Variants in RAB27A observed in about 807,000 individuals in gnomAD.
RAB27A encodes the protein RAB27A, member RAS oncogene family.
Under a neutral mutation model 20.8 loss-of-function variants are expected in RAB27A, and 17 were observed. The observed-to-expected ratio is 0.82, with a 90% CI of 0.56 to 1.23. The LOEUF is 1.23. RAB27A is among the 50% of genes most tolerant of loss of function. The probability of loss-of-function intolerance (pLI) is 0.00; values close to 1 mark genes in which losing one functional copy is unlikely to be tolerated. For synonymous variants in RAB27A, 85 were observed against 92.8 expected (o/e 0.92, Z 0.48); for missense variants, 277 against 266.7 (o/e 1.04, Z -0.27).
intron 4 of RAB27A, among the ~76,000 whole-genome samples, chr15:55,228,984 A>T (rs1225949782): frequency 6.6e-6 from 1 of 152,212 alleles, no homozygotes; most frequent in Non-Finnish European, 1.5e-5. Context: ...ATTATGAGTT[A>T]ATTTGGCCAA....
chr15:55,207,387 C>A (rs1231741956), intron 6 of RAB27A, among the ~76,000 whole-genome samples: 1 of 152,182 alleles, frequency 6.6e-6, no homozygotes, highest in Non-Finnish European at 1.5e-5. Flanking sequence ...CTTAGGGCAA[C>A]TGAGAAGGTC....
At chr15:55,210,006 A>G (rs1197148128) in intron 6 of RAB27A, among the ~76,000 whole-genome samples, 2 of 143,060 alleles carry the variant, frequency 1.4e-5, no homozygotes, top group African/African-American at 2.6e-5. Flanking sequence ...ATATGTGTGT[A>G]CATGTACATA....
intron 2 of RAB27A, among the ~76,000 whole-genome samples, chr15:55,296,982 T>A (rs899099011): frequency 5.3e-5 from 8 of 152,198 alleles, no homozygotes. Flanking sequence ...TTTCATAATA[T>A]AATTATTTTA....
chr15:55,314,445 G>A (rs943536413), intron 1 of RAB27A, among the ~76,000 whole-genome samples: 24 of 152,108 alleles, frequency 1.6e-4, no homozygotes, highest in African/African-American at 5.8e-4. Flanking sequence ...AGAGAAGAAA[G>A]AAAGGGTATT....
rs1595658841 is a variant in RAB27A at position 55,203,572 on chromosome 15, G to A, written c.*1935C>T. The stretch of plus-strand genomic sequence containing the variant: ...TGGGACTACAGGTGCCCACCACCAC[G>A]CCCAGCCCATTTTTTTTTTTTTTTT... On this transcript the variant is annotated 3_prime_UTR_variant, in exon 7 of 7. Coordinates refer to ENST00000336787, the MANE Select transcript of RAB27A (RefSeq NM_183235.3). 2 of 133,474 alleles carry A rather than the reference G, an allele frequency of 1.5e-5. No homozygotes were observed. Among genetic ancestry groups the A allele is most frequent in the East Asian group, 2.1e-4 (1 of 4,864 alleles). 8.3% of individuals were successfully genotyped at this position (133,474 alleles called of 1,614,324 possible).
chr15:55,228,221 T>C (rs942125659), intron 5 of RAB27A, among the ~76,000 whole-genome samples: 1 of 152,160 alleles, frequency 6.6e-6, no homozygotes, highest in Non-Finnish European at 1.5e-5. Context: ...GTAATACCCA[T>C]TTAATGTCCA....
In RAB27A at chr15:55,268,263, G is replaced by A. The variant is rs530047159; in HGVS notation, c.-23+1902C>T. On this transcript the variant is annotated intron_variant, in intron 2 of 6. Coordinates refer to ENST00000336787, the MANE Select transcript of RAB27A (RefSeq NM_183235.3). ...TAATGGGGGTTGGGGTTCATTCCCA[G>A]GTGAAAAGCATGAGTTTGTGGCAAA... Among the ~76,000 whole-genome samples the A allele has an allele frequency of 4.1e-4, 62 of 152,162 alleles. No individual in the cohort carries two copies. The South Asian group carries it at 4.3e-3, about 11-fold the overall frequency.
At chr15:55,248,929 A>C (rs1049033612) in intron 2 of RAB27A, 7 of 152,150 alleles carry the variant, frequency 4.6e-5, no homozygotes, top group African/African-American at 1.7e-4. Context: ...TCTTTAACTG[A>C]ACCAAAAAAA....
chr15:55,259,236 T>TAA (rs1897190175), intron 2 of RAB27A, among the ~76,000 whole-genome samples: 2 of 152,200 alleles, frequency 1.3e-5, no homozygotes, highest in East Asian at 3.8e-4. Flanking sequence ...TAGTGGCTCT[T>TAA]AATCTTAAAA....
intron 2 of RAB27A, among the ~76,000 whole-genome samples, chr15:55,310,584 C>T (rs2055016014): frequency 6.6e-6 from 1 of 152,132 alleles, no homozygotes; most frequent in Non-Finnish European, 1.5e-5. Flanking sequence ...ATTCGATTTG[C>T]CCAGCTTTTC....
intron 2 of RAB27A, among the ~76,000 whole-genome samples, chr15:55,262,278 A>G (rs1897295848): frequency 6.6e-6 from 1 of 152,236 alleles, no homozygotes; most frequent in East Asian, 1.9e-4. Context: ...GCGGTGGCTC[A>G]TGCATGTAAT....
intron 5 of RAB27A, 59 bp from the exon 6 acceptor site, chr15:55,224,071 G>A (rs1895701383): frequency 7.4e-7 from 1 of 1,350,312 alleles, no homozygotes; most frequent in African/African-American, 1.5e-5. Flanking sequence ...TATGATCAGT[G>A]AACAATACAT....
intron 2 of RAB27A, among the ~76,000 whole-genome samples, chr15:55,307,745 CT>C (rs1946170232): frequency 6.7e-6 from 1 of 149,772 alleles, no homozygotes; most frequent in South Asian, 2.1e-4. Flanking sequence ...AGTTGCCAGT[CT>C]TCTCTTGGGT....
At chr15:55,303,248 G>A (rs1332802299) in intron 2 of RAB27A, among the ~76,000 whole-genome samples, 32 of 95,500 alleles carry the variant, frequency 3.4e-4, no homozygotes, top group African/African-American at 1.8e-3. Context: ...CGCCCTGTCC[G>A]GGAGGGAGGT....
intron 4 of RAB27A, 46 bp downstream of exon 4, chr15:55,230,355 T>G (rs1394596631): frequency 6.6e-7 from 1 of 1,525,388 alleles, no homozygotes; most frequent in South Asian, 1.1e-5. Flanking sequence ...ATGTAACTAT[T>G]TTTCCCTTTC....
chr15:55,302,020 T>C (rs1002124036), intron 2 of RAB27A, among the ~76,000 whole-genome samples: 3 of 151,742 alleles, frequency 2.0e-5, no homozygotes, highest in Non-Finnish European at 4.4e-5. Flanking sequence ...CTACCAAAAA[T>C]AGAACAATTA....
At chr15:55,252,841 G>C (rs111569332) in intron 2 of RAB27A, among the ~76,000 whole-genome samples, 14 of 152,070 alleles carry the variant, frequency 9.2e-5, no homozygotes, top group African/African-American at 3.4e-4. Flanking sequence ...CAACCAGTTT[G>C]AAAGGCTCCC....
At chr15:55,250,653 A>G (rs1896855005) in intron 2 of RAB27A, among the ~76,000 whole-genome samples, 1 of 152,230 alleles carries the variant, frequency 6.6e-6, no homozygotes, top group Non-Finnish European at 1.5e-5. Context: ...ACATTTTATT[A>G]CAGATCACTA....
At chr15:55,292,206 G>C (rs140525738), upstream of RAB27A, among the ~76,000 whole-genome samples, 43 of 152,314 alleles carry the variant, frequency 2.8e-4, no homozygotes, top group African/African-American at 9.9e-4. Flanking sequence ...TTTACTATGA[G>C]TCAGCCAATA....
Sources: gnomAD v4.1 joint callset for allele counts (sites outside exome capture counted in the v4.1 genomes callset) on GRCh38, gnomAD v4.1.1 for gene constraint, MANE v1.5 for transcripts, NCBI Gene and HGNC (gene_info 2026-07-23, HGNC 2026-07-21) for gene names.